C8orf74: variants seen among roughly 807,000 people sequenced by gnomAD.
C8orf74 encodes the protein chromosome 8 open reading frame 74.
In C8orf74, 29 loss-of-function variants were observed where a neutral mutation model predicts 22.2. That is an observed-to-expected ratio of 1.31 (90% confidence interval 0.97 to 1.78). The LOEUF is 1.78. Among genes scored for constraint, C8orf74 ranks in the 40% most tolerant of loss-of-function variants. The probability of loss-of-function intolerance (pLI) is 0.00; values close to 1 mark genes in which losing one functional copy is unlikely to be tolerated. For synonymous variants in C8orf74, 255 were observed against 163.1 expected (o/e 1.56, Z -4.30); for missense variants, 515 against 369.9 (o/e 1.39, Z -3.22).
intron 1 of C8orf74, 122 bp downstream of exon 1, chr8:10,672,835 A>T (rs1171046043): frequency 1.0e-5 from 8 of 798,586 alleles, no homozygotes. Context: ...TCAGCACAGC[A>T]CCTCTGAGGC....
chr8:10,686,811 A>G (rs1799270529), intron 2 of C8orf74: 1 of 195,442 alleles, frequency 5.1e-6, no homozygotes, highest in Non-Finnish European at 1.1e-5. Context: ...ATAAAGCACA[A>G]GGGCCTGTTG....
intron 2 of C8orf74, among the ~76,000 whole-genome samples, chr8:10,693,404 G>GT (rs1239738460): frequency 1.3e-5 from 2 of 152,136 alleles, no homozygotes; most frequent in Non-Finnish European, 2.9e-5. Context: ...AGATATCTGT[G>GT]TGTTTCCTCC....
At chr8:10,677,588 T>C (rs1260426401) in intron 2 of C8orf74, among the ~76,000 whole-genome samples, 1 of 152,178 alleles carries the variant, frequency 6.6e-6, no homozygotes, top group Admixed American at 6.6e-5. Context: ...TCTTTTTTTA[T>C]TTTAATATGA....
In C8orf74 at chr8:10,695,866, A is replaced by G. The variant is rs117638740; in HGVS notation, c.242-1733A>G. Among the ~76,000 whole-genome samples, 388 of 152,120 alleles carry G rather than the reference A, an allele frequency of 2.6e-3. 4 individuals are homozygous for G. The highest frequency in any genetic ancestry group is 0.012 in the East Asian group (63 of 5,148). ...TCCTTGCCTACAGCATGTTACTTTCATTGTCGGCAGAAGGAACTGTGGAAT... is the reference window on the plus strand; with the variant it reads ...TCCTTGCCTACAGCATGTTACTTTCGTTGTCGGCAGAAGGAACTGTGGAAT... On this transcript the variant is annotated intron_variant, in intron 2 of 3. Coordinates refer to ENST00000304519, the MANE Select transcript of C8orf74 (RefSeq NM_001040032.2).
intron 2 of C8orf74, among the ~76,000 whole-genome samples, chr8:10,687,785 G>A (rs1038693817): frequency 5.9e-5 from 9 of 152,102 alleles, no homozygotes; most frequent in Non-Finnish European, 1.0e-4. Context: ...TCTTCTTAAA[G>A]TAAATCTTTC....
rs532207228 is a variant in C8orf74, at chr8:10,694,889, A to T, written c.242-2710A>T. On this transcript the variant is annotated intron_variant, in intron 2 of 3. Transcript: ENST00000304519. ...AAGAGTGGATGAATGAATGGATGGA[A>T]GAATGGATGGACGAATGGATGGGTG... is the stretch of plus-strand genomic sequence containing the variant. Among the ~76,000 whole-genome samples, 4 of 152,104 alleles carry T rather than the reference A, an allele frequency of 2.6e-5. No individual in the cohort carries two copies. The South Asian group carries it at 8.3e-4, about 32-fold the overall frequency.
chr8:10,680,787 A>G (rs553958653), intron 2 of C8orf74, among the ~76,000 whole-genome samples: 17 of 152,308 alleles, frequency 1.1e-4, no homozygotes, highest in African/African-American at 3.8e-4. Context: ...GGCCAGGGGC[A>G]GAAAGAGCTG....
intron 2 of C8orf74, among the ~76,000 whole-genome samples, chr8:10,680,857 C>T (rs1195632886): frequency 6.6e-6 from 1 of 152,212 alleles, no homozygotes; most frequent in East Asian, 1.9e-4. Flanking sequence ...TGCATCCCAC[C>T]CTGTCCGCCT....
chr8:10,691,211 A>C, intron 2 of C8orf74: 2 of 328,708 alleles, frequency 6.1e-6, no homozygotes, highest in South Asian at 2.5e-5. Flanking sequence ...CAAGGTCTAC[A>C]CTTGGTTTGT....
At chr8:10,686,031 T>C (rs1220291860) in intron 2 of C8orf74, among the ~76,000 whole-genome samples, 1 of 152,180 alleles carries the variant, frequency 6.6e-6, no homozygotes, top group Admixed American at 6.5e-5. Context: ...ATTGCACCAC[T>C]GCACTCTAGC....
intron 1 of C8orf74, among the ~76,000 whole-genome samples, chr8:10,673,287 C>T (rs936611309): frequency 6.6e-6 from 1 of 152,132 alleles, no homozygotes; most frequent in Non-Finnish European, 1.5e-5. Context: ...CTTTAAGTGG[C>T]ACTTGCTTCT....
At chr8:10,673,117 G>A in intron 1 of C8orf74, among the ~76,000 whole-genome samples, 1 of 152,080 alleles carries the variant, frequency 6.6e-6, no homozygotes, top group African/African-American at 2.4e-5. Context: ...TGGGGGCCGA[G>A]GACAGGACTC....
chr8:10,672,764 C>A (rs899687075), intron 1 of C8orf74, 51 bp downstream of exon 1: 2 of 1,509,414 alleles, frequency 1.3e-6, no homozygotes, highest in Admixed American at 2.0e-5. Context: ...TCATCCTGGG[C>A]ACATAGGGAG....
At chr8:10,677,348 C>T (rs1372333474) in intron 2 of C8orf74, among the ~76,000 whole-genome samples, 1 of 152,184 alleles carries the variant, frequency 6.6e-6, no homozygotes, top group Non-Finnish European at 1.5e-5. Context: ...TACATCTTTC[C>T]ATTTGGACTA....
chr8:10,687,350 A>C, intron 2 of C8orf74: 1 of 308,682 alleles, frequency 3.2e-6, no homozygotes, highest in South Asian at 2.6e-5. Flanking sequence ...CTTGCATAAT[A>C]GAAATAGATT....
Position 10,697,844 on chromosome 8 carries a change from A to G in C8orf74, c.487A>G (p.Ile163Val). Reference protein sequence around the residue: ...LAEGMDRDLWIHEQQVATLTE... With the variant: ...LAEGMDRDLWVHEQQVATLTE... Reference sequence around the variant, plus strand: ...CGAGGGCATGGACAGGGACTTGTGGATCCACGAGCAGCAGGTGGCCACACT... The same window carrying G: ...CGAGGGCATGGACAGGGACTTGTGGGTCCACGAGCAGCAGGTGGCCACACT... The change falls in exon 3 of 4, where the codon ATC (isoleucine) becomes GTC (valine). Residue 163 changes from isoleucine (I) to valine (V), a missense_variant. Ile to Val is a conservative substitution (Grantham distance 29, BLOSUM62 3). Coordinates refer to ENST00000304519, the MANE Select transcript of C8orf74 (RefSeq NM_001040032.2). 2 of 1,613,600 alleles carry G rather than the reference A, an allele frequency of 1.2e-6. No individual in the cohort carries two copies. The highest frequency in any genetic ancestry group is 1.7e-6 in the Non-Finnish European group (2 of 1,179,698).
At chr8:10,684,087 A>G (rs1327423479) in intron 2 of C8orf74, among the ~76,000 whole-genome samples, 1 of 152,142 alleles carries the variant, frequency 6.6e-6, no homozygotes, top group Non-Finnish European at 1.5e-5. Flanking sequence ...GATGATCATA[A>G]TCTCAGCCAT....
chr8:10,697,746 G>GC lies in C8orf74; in HGVS notation c.391dup (p.Gln131ProfsTer189), dbSNP rs780527044. ...TACAAACTCTACCAGTATGTCCTGGGCCAGGACCAGCAGGTCGACCTGACC... is the reference window on the plus strand; with the variant it reads ...TACAAACTCTACCAGTATGTCCTGGGCCCAGGACCAGCAGGTCGACCTGACC... On this transcript the variant is annotated frameshift_variant, in exon 3 of 4. Transcript: ENST00000304519. LOFTEE classifies it high-confidence loss of function. 9.9e-6 allele frequency: 16 copies of GC among 1,613,898 alleles called. No homozygotes were observed. In the African/African-American group the frequency reaches 2.0e-4, roughly 20 times the overall value.
intron 2 of C8orf74, among the ~76,000 whole-genome samples, chr8:10,684,949 A>G (rs1586039230): frequency 6.6e-6 from 1 of 152,154 alleles, no homozygotes; most frequent in South Asian, 2.1e-4. Context: ...CTCCTAAGTG[A>G]CCAATGGGAG....
Sources: gnomAD v4.1 joint callset for allele counts (sites outside exome capture counted in the v4.1 genomes callset) on GRCh38, gnomAD v4.1.1 for gene constraint, MANE v1.5 for transcripts, NCBI Gene and HGNC (gene_info 2026-07-23, HGNC 2026-07-21) for gene names.